GABRA2: variants seen among roughly 807,000 people sequenced by gnomAD.
The protein encoded by GABRA2 is gamma-aminobutyric acid type A receptor subunit alpha2, also known as gamma-aminobutyric acid receptor subunit alpha-2.
GABRA2 carries 16 observed loss-of-function variants against 48.7 expected under a neutral mutation model. The ratio of observed to expected loss-of-function variants is 0.33; its 90% CI spans 0.22 to 0.50. The LOEUF is 0.50. GABRA2 is among the 20% of genes least tolerant of loss of function. The probability of loss-of-function intolerance (pLI) is 0.98; values close to 1 mark genes in which losing one functional copy is unlikely to be tolerated. For missense variants in GABRA2, 275 were observed against 535.6 expected (o/e 0.51, Z 4.80); for synonymous variants, 185 against 184.5 (o/e 1.00, Z -0.02).
chr4:46,345,170 G>A (rs1434272876), intron 3 of GABRA2, among the ~76,000 whole-genome samples: 1 of 151,826 alleles, frequency 6.6e-6, no homozygotes, highest in Non-Finnish European at 1.5e-5. Flanking sequence ...TGTAAGATGT[G>A]CCTCTTCCCC....
At chr4:46,348,549 G>C (rs1364870363) in intron 3 of GABRA2, among the ~76,000 whole-genome samples, 1 of 151,940 alleles carries the variant, frequency 6.6e-6, no homozygotes, top group African/African-American at 2.4e-5. Context: ...CGATAGACTG[G>C]ATTAAGAAAA....
rs372825766 is a variant in GABRA2 at position 46,344,030 on chromosome 4, C to T, written c.188-11348G>A. ...CAGAACAATGCCAGATAATAATGTTCCATGATGCTAGCTATTACTAGTGTT... is the reference window on the plus strand; with the variant it reads ...CAGAACAATGCCAGATAATAATGTTTCATGATGCTAGCTATTACTAGTGTT... On this transcript the variant is annotated intron_variant, in intron 3 of 9. Coordinates refer to ENST00000381620, the MANE Select transcript of GABRA2 (RefSeq NM_000807.4). Among the ~76,000 whole-genome samples the T allele has an allele frequency of 3.5e-4, 53 of 151,962 alleles. No individual in the cohort carries two copies. In the East Asian group the frequency reaches 9.7e-3, roughly 28 times the overall value.
chr4:46,266,297 A>G, intron 8 of GABRA2, among the ~76,000 whole-genome samples: 1 of 147,978 alleles, frequency 6.8e-6, no homozygotes, highest in Middle Eastern at 3.6e-3. Flanking sequence ...ACAAATTATT[A>G]TATTTAATTT....
intron 4 of GABRA2, among the ~76,000 whole-genome samples, chr4:46,328,637 T>TA (rs1553915792): frequency 2.0e-5 from 3 of 152,068 alleles, no homozygotes; most frequent in African/African-American, 4.8e-5. Context: ...ATTCTTTTTT[T>TA]TATATATATA....
Position 46,249,644 on chromosome 4 carries a change from A to G in GABRA2, c.*664T>C, listed in dbSNP as rs1236298796. The G allele has an allele frequency of 6.6e-6, 1 of 151,518 alleles. No individual in the cohort carries two copies. Among genetic ancestry groups the G allele is most frequent in the Non-Finnish European group, 1.5e-5 (1 of 67,684 alleles). 9.4% of individuals were successfully genotyped at this position (151,518 alleles called of 1,614,324 possible). A position where few individuals can be genotyped will look rare whatever the true frequency, so the allele number is the denominator to read the frequency against. Reference sequence around the variant, plus strand: ...TTTCAAATAAACTCTGAAGCTAAAAATGTAATGACCATGACATTCCAATAG... The same window carrying G: ...TTTCAAATAAACTCTGAAGCTAAAAGTGTAATGACCATGACATTCCAATAG... On this transcript the variant is annotated 3_prime_UTR_variant, in exon 10 of 10. Coordinates refer to ENST00000381620, the MANE Select transcript of GABRA2 (RefSeq NM_000807.4).
At position 46,289,046 on chromosome 4, in the gene GABRA2, C is replaced by CA. The variant is rs553580960; in HGVS notation, c.856+14413dup. On this transcript the variant is annotated intron_variant, in intron 8 of 9. Coordinates refer to ENST00000381620, the MANE Select transcript of GABRA2 (RefSeq NM_000807.4). The stretch of plus-strand genomic sequence containing the variant: ...GTCAAAATGGCTATTATTAAAAAGA[C>CA]AAAAAAAAACAGATGCTGGCAGGAT... 8.2e-3 allele frequency among the ~76,000 whole-genome samples: 1,213 copies of CA among 148,614 alleles called. 5 individuals are homozygous for CA. Among genetic ancestry groups the CA allele is most frequent in the African/African-American group, 0.017 (672 of 40,470 alleles).
intron 3 of GABRA2, among the ~76,000 whole-genome samples, chr4:46,340,037 A>G (rs938634568): frequency 2.6e-5 from 4 of 151,648 alleles, no homozygotes; most frequent in African/African-American, 9.7e-5. Flanking sequence ...GGTCACAAAT[A>G]TTGGTTTTAT....
At chr4:46,303,373 A>G in intron 8 of GABRA2, 87 bp downstream of exon 8, 1 of 1,329,596 alleles carries the variant, frequency 7.5e-7, no homozygotes, top group South Asian at 1.2e-5. Flanking sequence ...ACTACAAATA[A>G]TTAGTTTGAG....
rs929623012 is a variant in GABRA2, at chr4:46,246,430, T to C, written c.*3878A>G. ...TGTTACAAGTGGTTTTGGTATAGTG[T>C]CCATGTTTCTCAAGCATGCAGATGT... On this transcript the variant is annotated 3_prime_UTR_variant, in exon 10 of 10. Transcript: ENST00000381620. Among the ~76,000 whole-genome samples the C allele has an allele frequency of 1.3e-5, 2 of 151,128 alleles. No individual in the cohort carries two copies. The highest frequency in any genetic ancestry group is 4.8e-5 in the African/African-American group (2 of 41,298).
At chr4:46,349,850 G>A (rs564304938) in intron 3 of GABRA2, among the ~76,000 whole-genome samples, 2 of 152,004 alleles carry the variant, frequency 1.3e-5, no homozygotes, top group Admixed American at 1.3e-4. Flanking sequence ...TTACTGGAAT[G>A]TAGTTTCTTG....
chr4:46,370,138 G>A (rs1343544737), intron 3 of GABRA2, among the ~76,000 whole-genome samples: 2 of 151,960 alleles, frequency 1.3e-5, no homozygotes, highest in African/African-American at 4.8e-5. Context: ...CATGAAAGTA[G>A]TGGATAATCA....
At chr4:46,351,705 A>G (rs187406115) in intron 3 of GABRA2, among the ~76,000 whole-genome samples, 246 of 152,136 alleles carry the variant, frequency 1.6e-3, no homozygotes, top group Middle Eastern at 3.4e-3. Flanking sequence ...GAAAAGCTGT[A>G]TTTACTATTT....
chr4:46,326,343 T>C (rs1730367457), intron 4 of GABRA2, among the ~76,000 whole-genome samples: 1 of 151,926 alleles, frequency 6.6e-6, no homozygotes, highest in African/African-American at 2.4e-5. Context: ...TGTTTTACTA[T>C]GCGCAAAACA....
chr4:46,276,673 G>A (rs550734658), intron 8 of GABRA2, among the ~76,000 whole-genome samples: 1 of 152,012 alleles, frequency 6.6e-6, no homozygotes, highest in South Asian at 2.1e-4. Context: ...TTAGAGTCAG[G>A]GAGATCTAAT....
chr4:46,369,290 T>C lies in GABRA2; in HGVS notation c.187+16784A>G, dbSNP rs547084544. On this transcript the variant is annotated intron_variant, in intron 3 of 9. Coordinates refer to ENST00000381620, the MANE Select transcript of GABRA2 (RefSeq NM_000807.4). Reference sequence around the variant, plus strand: ...TGTCATTGGGAATTTCAGCTTGGGGTCACCAGATTTGTCATTTTTAAAAGA... The same window carrying C: ...TGTCATTGGGAATTTCAGCTTGGGGCCACCAGATTTGTCATTTTTAAAAGA... Among the ~76,000 whole-genome samples, 35 of 152,156 alleles carry C rather than the reference T, an allele frequency of 2.3e-4. 1 individual carries two copies. The South Asian group carries it at 6.8e-3, about 30-fold the overall frequency.
chr4:46,301,981 C>G (rs1429746189), intron 8 of GABRA2, among the ~76,000 whole-genome samples: 1 of 152,052 alleles, frequency 6.6e-6, no homozygotes, highest in Non-Finnish European at 1.5e-5. Context: ...AAGCAGTAAC[C>G]AAATTCCTCT....
At chr4:46,335,471 T>C (rs1210735896) in intron 3 of GABRA2, among the ~76,000 whole-genome samples, 3 of 152,114 alleles carry the variant, frequency 2.0e-5, no homozygotes, top group Non-Finnish European at 4.4e-5. Flanking sequence ...GATCACTCTT[T>C]TTTTGTTGTT....
chr4:46,295,449 C>T (rs1180765365), intron 8 of GABRA2, among the ~76,000 whole-genome samples: 4 of 152,184 alleles, frequency 2.6e-5, no homozygotes, highest in African/African-American at 9.7e-5. Context: ...TGAGTGCTCA[C>T]CAATGGGTGA....
At chr4:46,297,116 T>C (rs901838214) in intron 8 of GABRA2, among the ~76,000 whole-genome samples, 3 of 151,988 alleles carry the variant, frequency 2.0e-5, no homozygotes, top group Non-Finnish European at 2.9e-5. Flanking sequence ...GTCAACTTGA[T>C]TGGATTGAAG....
Sources: allele counts gnomAD v4.1 joint callset (sites outside exome capture counted in the v4.1 genomes callset), GRCh38; gene constraint gnomAD v4.1.1; transcripts MANE v1.5; gene names NCBI Gene and HGNC (gene_info 2026-07-23, HGNC 2026-07-21).